Variants in ZDHHC11 observed in about 807,000 individuals in gnomAD.
ZDHHC11 encodes the protein palmitoyltransferase ZDHHC11.
In ZDHHC11, 44 loss-of-function variants were observed where a neutral mutation model predicts 51.3. The observed-to-expected ratio is 0.86, with a 90% CI of 0.67 to 1.10. ZDHHC11 has a LOEUF of 1.10. Ranked by LOEUF, ZDHHC11 falls within the 50% of genes least tolerant of loss-of-function variation. The probability of loss-of-function intolerance (pLI) is 0.00; values close to 1 mark genes in which losing one functional copy is unlikely to be tolerated. For synonymous variants in ZDHHC11, 163 were observed against 222.0 expected (o/e 0.73, Z 2.36); for missense variants, 400 against 537.7 (o/e 0.74, Z 2.53).
intron 3 of ZDHHC11, among the ~76,000 whole-genome samples, chr5:844,396 G>A (rs1216349843): frequency 9.8e-5 from 15 of 152,398 alleles, no homozygotes; most frequent in African/African-American, 2.4e-4. Flanking sequence ...GATGCGGTGC[G>A]ACTCGCCCAA....
At chr5:808,889 A>G (rs910345971) in intron 11 of ZDHHC11, among the ~76,000 whole-genome samples, 1 of 147,698 alleles carries the variant, frequency 6.8e-6, no homozygotes, top group African/African-American at 2.4e-5. Context: ...TAGTAGAGAC[A>G]GGGTTTCACC....
chr5:851,781 C>T (rs1243896257), upstream of ZDHHC11, among the ~76,000 whole-genome samples: 5 of 152,110 alleles, frequency 3.3e-5, no homozygotes, highest in African/African-American at 7.2e-5. Flanking sequence ...TTTGGCCGGG[C>T]GCGGGGGCTC....
Position 810,535 on chromosome 5 carries a change from C to T in ZDHHC11, c.1181+4226G>A, listed in dbSNP as rs1339479578. Among the ~76,000 whole-genome samples, 2 of 150,972 alleles carry T rather than the reference C, an allele frequency of 1.3e-5. 1 individual carries two copies. ...ACAGGCTCTTAATGAATGGACTTTC[C>T]CCGTGTGGCAAAGCGTGACATGATT... On this transcript the variant is annotated intron_variant, in intron 11 of 12. Transcript: ENST00000283441.
rs932982665 is a variant in ZDHHC11 at position 850,754 on chromosome 5, G to A, written c.-152C>T. ...AGCACTGCCTGGGGCCACGTTCCCC[G>A]CAGAGGGAGCAGGGGCTGGGCTGGA... On this transcript the variant is annotated 5_prime_UTR_variant, in exon 1 of 13. Transcript: ENST00000283441. The A allele has an allele frequency of 1.8e-5, 16 of 908,990 alleles. No homozygotes were observed. Among genetic ancestry groups the A allele is most frequent in the Middle Eastern group, 6.3e-4 (2 of 3,172 alleles). 56.3% of individuals were successfully genotyped at this position (908,990 alleles called of 1,614,324 possible). A position where few individuals can be genotyped will look rare whatever the true frequency, so the allele number is the denominator to read the frequency against.
At chr5:798,768 G>C (rs1396344497) in intron 12 of ZDHHC11, among the ~76,000 whole-genome samples, 1 of 145,570 alleles carries the variant, frequency 6.9e-6, no homozygotes, top group Non-Finnish European at 1.5e-5. Flanking sequence ...AACATTTGCT[G>C]TTTAAAACCT....
At chr5:799,185 G>C (rs1432138573) in intron 12 of ZDHHC11, among the ~76,000 whole-genome samples, 2 of 151,656 alleles carry the variant, frequency 1.3e-5, no homozygotes, top group Non-Finnish European at 2.9e-5. Context: ...AAGGGAGTGA[G>C]TTCATGCTCA....
At chr5:848,906 C>T (rs1021059289) in intron 1 of ZDHHC11, among the ~76,000 whole-genome samples, 52 of 134,770 alleles carry the variant, frequency 3.9e-4, no homozygotes, top group Admixed American at 3.3e-3. Flanking sequence ...CCTGCACACC[C>T]AGCCCTGCAC....
chr5:827,219 C>T (rs1328688490), intron 7 of ZDHHC11, among the ~76,000 whole-genome samples: 1 of 149,136 alleles, frequency 6.7e-6, no homozygotes, highest in Non-Finnish European at 1.5e-5. Context: ...ACAAGAAATA[C>T]TAAAAGGAGT....
intron 6 of ZDHHC11, among the ~76,000 whole-genome samples, chr5:834,390 G>C (rs1160237032): frequency 2.0e-5 from 3 of 152,146 alleles, no homozygotes; most frequent in Non-Finnish European, 2.9e-5. Flanking sequence ...GCTCAGGCTG[G>C]TCTTGAACTC....
At chr5:801,799 G>A (rs1393867216) in intron 11 of ZDHHC11, among the ~76,000 whole-genome samples, 1 of 151,156 alleles carries the variant, frequency 6.6e-6, no homozygotes. Context: ...ATTTTGCTTT[G>A]AAAGATTTTG....
At chr5:806,603 A>G (rs364190) in intron 11 of ZDHHC11, among the ~76,000 whole-genome samples, 25 of 151,366 alleles carry the variant, frequency 1.7e-4, no homozygotes, top group African/African-American at 4.6e-4. Flanking sequence ...TAAGCTGCAC[A>G]TGGACAGACT....
At chr5:858,374 G>A (rs1463812901) in intron 1 of ZDHHC11, among the ~76,000 whole-genome samples, 1 of 127,072 alleles carries the variant, frequency 7.9e-6, no homozygotes, top group African/African-American at 3.2e-5. Flanking sequence ...ATGACACCGT[G>A]GTCCCCCAAG....
At chr5:859,493 C>T (rs752157583), upstream of ZDHHC11, among the ~76,000 whole-genome samples, 12 of 152,124 alleles carry the variant, frequency 7.9e-5, no homozygotes, top group Admixed American at 1.3e-4. Flanking sequence ...CAACAGGCGA[C>T]GTCCAGGAAG....
At position 850,463 on chromosome 5, in the gene ZDHHC11, G is replaced by A. The variant is rs1373220596; in HGVS notation, c.140C>T (p.Ala47Val). The change falls in exon 1 of 13, where the codon GCT becomes GTT. Residue 47 changes from alanine (A) to valine (V), a missense_variant. Ala to Val is a moderately conservative substitution (Grantham distance 64). Around this residue, in one of 5 missense-constraint regions of ZDHHC11, gnomAD observed 119 missense variants for 99.6 expected, o/e 1.20. Coordinates refer to ENST00000283441, the MANE Select transcript of ZDHHC11 (RefSeq NM_024786.3). ...PLHYFQVVTW[A>V]VFVGLSSATF... ...GGCCGAGGAAAGGCCCACGAAGACA[G>A]CCCAGGTCACCACCTGGAAGTAGTG... is the stretch of plus-strand genomic sequence containing the variant. The A allele has an allele frequency of 6.2e-7, 1 of 1,613,664 alleles. No homozygotes were observed. Among genetic ancestry groups the A allele is most frequent in the Non-Finnish European group, 8.5e-7 (1 of 1,180,036 alleles).
intron 12 of ZDHHC11, among the ~76,000 whole-genome samples, chr5:800,223 T>A (rs1301039614): frequency 6.6e-6 from 1 of 150,810 alleles, no homozygotes; most frequent in African/African-American, 2.4e-5. Context: ...CTTTTGATGT[T>A]TTGCCCGATC....
At chr5:837,725 C>T (rs1428947490) in intron 5 of ZDHHC11, among the ~76,000 whole-genome samples, 4 of 151,832 alleles carry the variant, frequency 2.6e-5, no homozygotes, top group Admixed American at 2.6e-4. Context: ...CAGTGCTGAC[C>T]CACGCCCCTG....
chr5:833,095 T>C (rs1220655995), intron 7 of ZDHHC11, among the ~76,000 whole-genome samples: 1 of 152,066 alleles, frequency 6.6e-6, no homozygotes, highest in African/African-American at 2.4e-5. Context: ...TATATTTTCT[T>C]TGAATAAAAC....
chr5:829,590 T>C (rs1742809256), intron 7 of ZDHHC11, among the ~76,000 whole-genome samples: 1 of 151,594 alleles, frequency 6.6e-6, no homozygotes, highest in Middle Eastern at 3.4e-3. Context: ...ACCAATCTTA[T>C]GGAAACTATT....
intron 11 of ZDHHC11, among the ~76,000 whole-genome samples, chr5:809,528 C>G (rs1446938882): frequency 6.7e-6 from 1 of 150,276 alleles, no homozygotes; most frequent in Non-Finnish European, 1.5e-5. Context: ...ATCGGAGAAC[C>G]CGGAAGGGGC....
Sources: gnomAD v4.1 joint callset for allele counts (sites outside exome capture counted in the v4.1 genomes callset) on GRCh38, gnomAD v4.1.1 for gene constraint, gnomAD v4.1.1 regional missense constraint, MANE v1.5 for transcripts, NCBI Gene and HGNC (gene_info 2026-07-23, HGNC 2026-07-21) for gene names.